STXBP2: variants seen among roughly 807,000 people sequenced by gnomAD.
STXBP2 encodes syntaxin binding protein 2.
In STXBP2, 47 loss-of-function variants were observed where a neutral mutation model predicts 72.2. That is an observed-to-expected ratio of 0.65 (90% confidence interval 0.51 to 0.83). The LOEUF (loss-of-function observed/expected upper bound fraction) is 0.83, where lower values mean the gene tolerates loss of function less well. Ranked by LOEUF, STXBP2 falls within the 40% of genes least tolerant of loss-of-function variation. The pLI is 0.00. For missense variants in STXBP2, 702 were observed against 807.6 expected (o/e 0.87, Z 1.58); for synonymous variants, 367 against 338.7 (o/e 1.08, Z -0.92).
upstream of STXBP2, chr19:7,632,745 TGCAGTGAACAGC>T (rs767166648): frequency 2.6e-6 from 4 of 1,565,830 alleles, no homozygotes; most frequent in Admixed American, 5.5e-5. The surrounding 1 kb of genome is among the most constrained non-coding windows in gnomAD (Gnocchi z 5.2). Flanking sequence ...CGGCCCGGCT[TGCAGTGAACAGC>T]GCTGTCCCTC....
Position 7,642,507 on chromosome 19 carries a change from T to TCGC in STXBP2, c.875_877dup (p.Arg292dup), listed in dbSNP as rs765417459. 6.2e-7 allele frequency: 1 copy of TCGC among 1,614,018 alleles called. No homozygotes were observed. Among genetic ancestry groups the TCGC allele is most frequent in the Admixed American group, 1.7e-5 (1 of 60,022 alleles). The stretch of plus-strand genomic sequence containing the variant: ...AGGACGATGACTTGTGGGTGGAGCT[T>TCGC]CGCCACATGCATATCGCAGATGTGT... On this transcript the variant is annotated inframe_insertion, in exon 10 of 19. Coordinates refer to ENST00000221283, the MANE Select transcript of STXBP2 (RefSeq NM_006949.4). This position sits in a 1 kb window ranked among gnomAD's most constrained non-coding sequence, Gnocchi z 6.0.
intron 4 of STXBP2, chr19:7,640,335 C>A: frequency 1.1e-5 from 5 of 457,534 alleles, no homozygotes; most frequent in Non-Finnish European, 1.6e-5. Context: ...CGTGTGTATG[C>A]GTGTGTGTAT....
chr19:7,638,631 T>G, intron 1 of STXBP2, 95 bp from the exon 2 acceptor site: 1 of 1,329,382 alleles, frequency 7.5e-7, no homozygotes, highest in Non-Finnish European at 1.1e-6. Flanking sequence ...TAAATGGGAA[T>G]TAAGATGGGG....
rs889186 is a variant in STXBP2 at position 7,645,449 on chromosome 19, C to T, written c.1356+143C>T. On this transcript the variant is annotated intron_variant, in intron 15 of 18. Transcript: ENST00000221283. Reference sequence around the variant, plus strand: ...TGCTGGGAGGCCAAAAGCAGTGTTTCGGGTCTGGTCTGGGGCCCAGAGGAC... The same window carrying T: ...TGCTGGGAGGCCAAAAGCAGTGTTTTGGGTCTGGTCTGGGGCCCAGAGGAC... 21,832 of 773,822 alleles carry T rather than the reference C, an allele frequency of 0.028. 1,788 individuals are homozygous for T. The East Asian group carries it at 0.28, about 10-fold the overall frequency. The allele number at this position is 773,822 out of a possible 1,614,324, so 47.9% of individuals were successfully genotyped here.
rs1189245533 is a variant in STXBP2 at position 7,642,048 on chromosome 19, C to T, written c.593C>T (p.Thr198Ile). ...AIRYRKGPEDTAQLAHAVLAK... is the reference protein window; with the variant it reads ...AIRYRKGPEDIAQLAHAVLAK... ...CTCCCCGCCAGGGGCCCAGAGGACA[C>T]AGCCCAGTTGGCCCACGCCGTCCTG... Residue 198 changes from threonine (T) to isoleucine (I), a missense_variant, in exon 8 of 19, where the codon ACA becomes ATA. Thr to Ile is a moderately conservative substitution (Grantham distance 89). Transcript: ENST00000221283. The surrounding 1 kb of genome is among the most constrained non-coding windows in gnomAD (Gnocchi z 6.0). 6.2e-7 allele frequency: 1 copy of T among 1,614,098 alleles called. No homozygotes were observed. The highest frequency in any genetic ancestry group is 1.1e-5 in the South Asian group (1 of 91,084).
rs2031904728 is a variant in STXBP2, at chr19:7,642,018, C to T, written c.579-16C>T. The T allele has an allele frequency of 6.2e-7, 1 of 1,613,910 alleles. No individual in the cohort carries two copies. Among genetic ancestry groups the T allele is most frequent in the Non-Finnish European group, 8.5e-7 (1 of 1,179,890 alleles). On this transcript the variant is annotated splice_polypyrimidine_tract_variant and intron_variant, in intron 7 of 18. Coordinates refer to ENST00000221283, the MANE Select transcript of STXBP2 (RefSeq NM_006949.4). This position sits in a 1 kb window ranked among gnomAD's most constrained non-coding sequence, Gnocchi z 6.0. ...CATCCCCTGATGATGTCCCCCGTGT[C>T]TGACCTCCCCGCCAGGGGCCCAGAG... is the stretch of plus-strand genomic sequence containing the variant.
In STXBP2 at chr19:7,640,910, G is replaced by C. The variant is rs751965889; in HGVS notation, c.336G>C (p.Glu112Asp). The C allele has an allele frequency of 6.2e-7, 1 of 1,614,224 alleles. No homozygotes were observed. Among genetic ancestry groups the C allele is most frequent in the Admixed American group, 1.7e-5 (1 of 60,032 alleles). ...AHIFFTDTCP[E>D]PLFSELGRSR... is the part of the protein sequence containing the mutation. ...CCTGCCTCACCCCAGCCTGCCCCGA[G>C]CCCCTGTTCAGTGAGCTAGGCCGCT... The change falls in exon 6 of 19, where the codon GAG becomes GAC. Residue 112 changes from glutamate to aspartate, a missense_variant. Transcript: ENST00000221283.
At chr19:7,646,637 C>T in intron 16 of STXBP2, 1 of 506,500 alleles carries the variant, frequency 2.0e-6, no homozygotes, top group Non-Finnish European at 3.6e-6. Context: ...AGCCCCAGCC[C>T]TGGCCTTCCC....
In STXBP2 at chr19:7,647,223, CGGCCAGCTCCCAG is replaced by C. The variant is rs1568471918; in HGVS notation, c.1516_1528del (p.Ala506ProfsTer17). On this transcript the variant is annotated frameshift_variant, in exon 17 of 19. Coordinates refer to ENST00000221283, the MANE Select transcript of STXBP2 (RefSeq NM_006949.4). LOFTEE classifies it high-confidence loss of function. ...CCCTTCGTATCCGACCCCGCCCCCA[CGGCCAGCTCCCAG>C]GCCGCTGTCAGGTGAGGCCCCGGGG... 3 of 1,611,604 alleles carry C rather than the reference CGGCCAGCTCCCAG, an allele frequency of 1.9e-6. No homozygotes were observed. In the African/African-American group the frequency reaches 4.0e-5, roughly 21 times the overall value.
chr19:7,629,885 G>A, the STXBP2 span: 5 of 1,519,982 alleles, frequency 3.3e-6, no homozygotes, highest in East Asian at 2.5e-5. Flanking sequence ...GAGTGGGTTG[G>A]GAGGCTGGGC....
rs188212047 is a variant in STXBP2, at chr19:7,642,058, G to T, written c.603G>T (p.Leu201Phe). Reference sequence around the variant, plus strand: ...GGGGCCCAGAGGACACAGCCCAGTTGGCCCACGCCGTCCTGGCCAAGCTGA... The same window carrying T: ...GGGGCCCAGAGGACACAGCCCAGTTTGCCCACGCCGTCCTGGCCAAGCTGA... Reference protein sequence around the residue: ...YRKGPEDTAQLAHAVLAKLNA... With the variant: ...YRKGPEDTAQFAHAVLAKLNA... The change falls in exon 8 of 19, where the codon TTG (leucine) becomes TTT (phenylalanine). Residue 201 changes from leucine (L) to phenylalanine (F), a missense_variant. Transcript: ENST00000221283. This position sits in a 1 kb window ranked among gnomAD's most constrained non-coding sequence, Gnocchi z 6.0. The T allele has an allele frequency of 1.7e-4, 275 of 1,614,016 alleles. 1 individual carries two copies. The East Asian group carries it at 6.0e-3, about 35-fold the overall frequency.
chr19:7,647,494 A>G lies in STXBP2; in HGVS notation c.1679A>G (p.Lys560Arg). The G allele has an allele frequency of 6.2e-7, 1 of 1,602,472 alleles. No homozygotes were observed. The highest frequency in any genetic ancestry group is 8.5e-7 in the Non-Finnish European group (1 of 1,174,214). Residue 560 changes from lysine (K) to arginine (R), a missense_variant, in exon 18 of 19, where the codon AAG (lysine) becomes AGG (arginine). Physicochemically the swap from Lys to Arg is conservative, Grantham distance 26. Transcript: ENST00000221283. The stretch of plus-strand genomic sequence containing the variant: ...GAGGTGACCAGGGCCACCGAGGGCA[A>G]GTGGGAGGTGCTCATTGGTAAGTCA... ...AYEVTRATEG[K>R]WEVLIGSSHI...
In STXBP2 at chr19:7,642,515, T is replaced by C. The variant is rs2146218993; in HGVS notation, c.881T>C (p.Met294Thr). ...DDDLWVELRHMHIADVSKKVT... is the reference protein window; with the variant it reads ...DDDLWVELRHTHIADVSKKVT... ...GACTTGTGGGTGGAGCTTCGCCACA[T>C]GCATATCGCAGATGTGTCCAAGTGC... is the stretch of plus-strand genomic sequence containing the variant. The change falls in exon 10 of 19, where the codon ATG (methionine) becomes ACG (threonine). Residue 294 changes from methionine to threonine, a missense_variant. Met to Thr is a moderately conservative substitution (Grantham distance 81, BLOSUM62 -1). Coordinates refer to ENST00000221283, the MANE Select transcript of STXBP2 (RefSeq NM_006949.4). The surrounding 1 kb of genome is among the most constrained non-coding windows in gnomAD (Gnocchi z 6.0). 1.2e-6 allele frequency: 2 copies of C among 1,614,074 alleles called. No individual in the cohort carries two copies. The highest frequency in any genetic ancestry group is 2.2e-5 in the South Asian group (2 of 91,090).
At chr19:7,639,845 T>C in intron 4 of STXBP2, 38 bp downstream of exon 4, 1 of 1,583,102 alleles carries the variant, frequency 6.3e-7, no homozygotes, top group Non-Finnish European at 8.6e-7. Flanking sequence ...TGCGCGTGCA[T>C]GCGTGTACAT....
In STXBP2 at chr19:7,640,779, T is replaced by G; in HGVS notation, c.295T>G (p.Tyr99Asp). ...KDFQGTPTFT[Y>D]KAAHIFFTDT... ...CTTCCAGGGGACCCCGACTTTCACC[T>G]ACAAAGCGGCCCATATCTTCTTCAC... The change falls in exon 5 of 19, where the codon TAC becomes GAC. Residue 99 changes from tyrosine to aspartate, a missense_variant. By Grantham distance (160) the Tyr-to-Asp change is radical (BLOSUM62 -3). Coordinates refer to ENST00000221283, the MANE Select transcript of STXBP2 (RefSeq NM_006949.4). The G allele has an allele frequency of 6.2e-7, 1 of 1,614,146 alleles. No homozygotes were observed. The highest frequency in any genetic ancestry group is 8.5e-7 in the Non-Finnish European group (1 of 1,179,996).
At chr19:7,633,518 C>T (rs1036842862), upstream of STXBP2, 8 of 1,520,310 alleles carry the variant, frequency 5.3e-6, no homozygotes, top group Non-Finnish European at 6.3e-6. Flanking sequence ...CAGAGAGGGC[C>T]TTTTAAACGT....
At chr19:7,637,405 G>A (rs2031591360) in intron 1 of STXBP2, among the ~76,000 whole-genome samples, 1 of 152,136 alleles carries the variant, frequency 6.6e-6, no homozygotes. Flanking sequence ...GCCGGACTCC[G>A]GGGACCCAAA....
At position 7,639,390 on chromosome 19, in the gene STXBP2, G is replaced by A. The variant is rs191725132; in HGVS notation, c.169+290G>A. 1.9e-5 allele frequency: 11 copies of A among 584,752 alleles called. No homozygotes were observed. The African/African-American group carries it at 2.0e-4, about 11-fold the overall frequency. 36.2% of individuals were successfully genotyped at this position (584,752 alleles called of 1,614,324 possible). On this transcript the variant is annotated intron_variant, in intron 3 of 18. Coordinates refer to ENST00000221283, the MANE Select transcript of STXBP2 (RefSeq NM_006949.4). The stretch of plus-strand genomic sequence containing the variant: ...TGGAGCCCTGTGTGGGACTCCCAGG[G>A]TGGACTCTGGATGTGGGGTCCCAAG...
At chr19:7,631,519 A>T in the STXBP2 span, 13 of 1,534,808 alleles carry the variant, frequency 8.5e-6, no homozygotes, top group East Asian at 3.2e-4. Context: ...AAGCGGCGGG[A>T]GGAGAAGCTC....
Sources: allele counts gnomAD v4.1 joint callset (sites outside exome capture counted in the v4.1 genomes callset), GRCh38; gene constraint gnomAD v4.1.1; non-coding constraint Gnocchi (gnomAD v3.1); transcripts MANE v1.5; gene names NCBI Gene and HGNC (gene_info 2026-07-23, HGNC 2026-07-21).